The following TRIP4 variants were observed in gnomAD, a reference collection of about 807,000 sequenced individuals.
The protein encoded by TRIP4 is activating signal cointegrator 1.
Under a neutral mutation model 81.8 loss-of-function variants are expected in TRIP4, and 54 were observed. The ratio of observed to expected loss-of-function variants is 0.66; its 90% CI spans 0.53 to 0.83. TRIP4 has a LOEUF of 0.83. Among genes scored for constraint, TRIP4 ranks in the 40% least tolerant of loss-of-function variants. The pLI is 0.00. For synonymous variants in TRIP4, 270 were observed against 242.8 expected, an observed-to-expected ratio of 1.11 and a Z score of -1.04; for missense variants, 662 against 683.6, an observed-to-expected ratio of 0.97 and a Z score of 0.35.
At chr15:64,431,847 A>ATATATATATATATATATTTTT in intron 11 of TRIP4, among the ~76,000 whole-genome samples, 14 of 119,560 alleles carry the variant, frequency 1.2e-4, no homozygotes, top group African/African-American at 4.6e-4. Context: ...ATATATATAT[A>ATATATATATATATATATTTTT]TTTTTTTTAT....
chr15:64,442,723 C>T (rs1024294677), intron 11 of TRIP4, among the ~76,000 whole-genome samples: 1 of 151,836 alleles, frequency 6.6e-6, no homozygotes, highest in Non-Finnish European at 1.5e-5. Flanking sequence ...CACGGTGGCT[C>T]ACGCCTGTAA....
chr15:64,427,595 T>TGAACTCCTGGCCTC (rs1243576590), intron 11 of TRIP4, among the ~76,000 whole-genome samples: 2 of 152,132 alleles, frequency 1.3e-5, no homozygotes, highest in Non-Finnish European at 2.9e-5. Flanking sequence ...AAGCTGGTCT[T>TGAACTCCTGGCCTC]GAACTCCTGG....
At chr15:64,445,319 T>C (rs1892603950) in intron 12 of TRIP4, 1 of 321,002 alleles carries the variant, frequency 3.1e-6, no homozygotes, top group Admixed American at 5.1e-5. Context: ...CTTACTTGTC[T>C]AGATTTTTAT....
chr15:64,414,090 A>T lies in TRIP4; in HGVS notation c.1049A>T (p.Asp350Val), dbSNP rs1244296941. 1.2e-6 allele frequency: 2 copies of T among 1,613,936 alleles called. No individual in the cohort carries two copies. Among genetic ancestry groups the T allele is most frequent in the African/African-American group, 1.3e-5 (1 of 74,912 alleles). The change falls in exon 8 of 13, where the codon GAT (aspartate) becomes GTT (valine). Residue 350 changes from aspartate (D) to valine (V), a missense_variant. Physicochemically the swap from Asp to Val is radical, Grantham distance 152. Coordinates refer to ENST00000261884, the MANE Select transcript of TRIP4 (RefSeq NM_016213.5). ...NSLAEYHSRL[D>V]ETIQAIANGT... ...CTTTTGGTTTATTATCACAGACTAGATGAGACAATACAGGCCATTGCCAAT... is the reference window on the plus strand; with the variant it reads ...CTTTTGGTTTATTATCACAGACTAGTTGAGACAATACAGGCCATTGCCAAT...
At chr15:64,438,361 C>G (rs1281448818) in intron 11 of TRIP4, among the ~76,000 whole-genome samples, 1 of 152,196 alleles carries the variant, frequency 6.6e-6, no homozygotes, top group Non-Finnish European at 1.5e-5. Context: ...CTCTTGTTGC[C>G]TAGGCTGGAG....
At chr15:64,449,362 G>A (rs572731573) in intron 12 of TRIP4, among the ~76,000 whole-genome samples, 2 of 149,010 alleles carry the variant, frequency 1.3e-5, no homozygotes, top group South Asian at 2.1e-4. Context: ...AAATATATTC[G>A]AAATTCCAAA....
intron 11 of TRIP4, among the ~76,000 whole-genome samples, chr15:64,441,525 G>A (rs1892517937): frequency 6.6e-6 from 1 of 151,928 alleles, no homozygotes; most frequent in Admixed American, 6.6e-5. Context: ...TGTAATCCCA[G>A]CACTTTGGAA....
At chr15:64,397,960 G>T (rs1900342546) in intron 4 of TRIP4, 142 bp downstream of exon 4, 2 of 876,594 alleles carry the variant, frequency 2.3e-6, no homozygotes, top group Non-Finnish European at 3.4e-6. Flanking sequence ...GAGTGCAGTG[G>T]CACGATCTCG....
chr15:64,415,158 A>T (rs1159101952), intron 8 of TRIP4, among the ~76,000 whole-genome samples: 1 of 152,140 alleles, frequency 6.6e-6, no homozygotes, highest in East Asian at 1.9e-4. Context: ...AAAAAATTCC[A>T]GGCAGAATGA....
intron 11 of TRIP4, among the ~76,000 whole-genome samples, chr15:64,431,221 A>G (rs940348800): frequency 2.6e-5 from 4 of 152,092 alleles, no homozygotes; most frequent in South Asian, 4.1e-4. Context: ...GTACTGAGAA[A>G]ATCTGCCAAT....
chr15:64,407,035 T>C (rs543699212), intron 6 of TRIP4, among the ~76,000 whole-genome samples: 2 of 152,298 alleles, frequency 1.3e-5, no homozygotes, highest in African/African-American at 4.8e-5. Context: ...GTTTTTGACT[T>C]CCTCCTTACT....
chr15:64,399,206 C>T (rs1257555877), intron 4 of TRIP4, among the ~76,000 whole-genome samples: 4 of 152,098 alleles, frequency 2.6e-5, no homozygotes, highest in Admixed American at 2.6e-4. Context: ...ACCATCTCAG[C>T]CTCCCAAAGT....
intron 8 of TRIP4, among the ~76,000 whole-genome samples, chr15:64,416,009 A>T (rs1355280094): frequency 6.6e-6 from 1 of 152,218 alleles, no homozygotes; most frequent in Non-Finnish European, 1.5e-5. Flanking sequence ...TGGAAAGATG[A>T]TGCCAGCCCA....
intron 5 of TRIP4, among the ~76,000 whole-genome samples, chr15:64,404,690 A>T (rs758190486): frequency 7.2e-5 from 11 of 151,854 alleles, no homozygotes; most frequent in Non-Finnish European, 1.2e-4. Context: ...TCTGAGAAAA[A>T]ATAGTTCTGA....
chr15:64,448,490 G>T (rs577991007), intron 12 of TRIP4, among the ~76,000 whole-genome samples: 1 of 152,228 alleles, frequency 6.6e-6, no homozygotes, highest in African/African-American at 2.4e-5. Flanking sequence ...TTGAGATGGG[G>T]TCTCACTCTG....
chr15:64,436,418 C>T (rs1024590398), intron 11 of TRIP4, among the ~76,000 whole-genome samples: 1 of 151,924 alleles, frequency 6.6e-6, no homozygotes, highest in African/African-American at 2.4e-5. Flanking sequence ...ATGGTGAAAC[C>T]CTGTCTCTAC....
chr15:64,429,621 C>G (rs1412964419), intron 11 of TRIP4, among the ~76,000 whole-genome samples: 3 of 152,164 alleles, frequency 2.0e-5, no homozygotes, highest in Non-Finnish European at 4.4e-5. Flanking sequence ...AAATTAATCC[C>G]CCACCCAAAC....
In TRIP4 at chr15:64,409,617, C is replaced by T. The variant is rs761865592; in HGVS notation, c.832C>T (p.Arg278Ter). The change falls in exon 7 of 13, where the codon CGA (arginine) becomes TGA (stop). Residue 278 changes from arginine (R) to a stop codon, truncating the protein, a stop_gained. Transcript: ENST00000261884. LOFTEE classifies it high-confidence loss of function. Reference protein sequence around the residue: ...KLLEFDRTSIRRTQVIDDESD... With the variant: ...KLLEFDRTSI Reference sequence around the variant, plus strand: ...CATGTGTTCCCTTTTTCTCAGTATTCGAAGGACCCAAGTCATTGATGATGA... The same window carrying T: ...CATGTGTTCCCTTTTTCTCAGTATTTGAAGGACCCAAGTCATTGATGATGA... 13 of 1,613,712 alleles carry T rather than the reference C, an allele frequency of 8.1e-6. No individual in the cohort carries two copies. The highest frequency in any genetic ancestry group is 2.7e-5 in the African/African-American group (2 of 74,878).
intron 8 of TRIP4, among the ~76,000 whole-genome samples, chr15:64,416,632 A>G (rs1891896503): frequency 6.6e-6 from 1 of 152,164 alleles, no homozygotes; most frequent in Non-Finnish European, 1.5e-5. Flanking sequence ...GGTCCTCTGT[A>G]AAAACTTCTA....
Sources: allele counts gnomAD v4.1 joint callset (sites outside exome capture counted in the v4.1 genomes callset), GRCh38; gene constraint gnomAD v4.1.1; transcripts MANE v1.5; gene names NCBI Gene and HGNC (gene_info 2026-07-23, HGNC 2026-07-21).